C11orf65: variants seen among roughly 807,000 people sequenced by gnomAD.
C11orf65 encodes the protein protein MFI.
Under a neutral mutation model 35.3 loss-of-function variants are expected in C11orf65, and 38 were observed. The observed-to-expected ratio is 1.08, with a 90% CI of 0.83 to 1.41. C11orf65 has a LOEUF of 1.41. Among genes scored for constraint, C11orf65 ranks in the 40% most tolerant of loss-of-function variants. The pLI, the probability that C11orf65 is intolerant of heterozygous loss-of-function variation, is 0.00. For missense variants in C11orf65, 370 were observed against 367.1 expected, an observed-to-expected ratio of 1.01 and a Z score of -0.06; for synonymous variants, 105 against 114.4, an observed-to-expected ratio of 0.92 and a Z score of 0.53.
chr11:108,459,265 G>T (rs998556310), intron 2 of C11orf65, among the ~76,000 whole-genome samples: 3 of 152,052 alleles, frequency 2.0e-5, no homozygotes, highest in African/African-American at 2.4e-5. Flanking sequence ...TTAAAAAAGA[G>T]ATAAGACTCC....
chr11:108,412,716 A>G (rs1460231351), intron 3 of C11orf65, among the ~76,000 whole-genome samples: 2 of 152,144 alleles, frequency 1.3e-5, no homozygotes, highest in African/African-American at 2.4e-5. Flanking sequence ...CAATCTGGAC[A>G]ACAGAGTGAG....
chr11:108,411,550 T>G (rs949926259), intron 3 of C11orf65, among the ~76,000 whole-genome samples: 8 of 152,198 alleles, frequency 5.3e-5, no homozygotes, highest in Non-Finnish European at 1.5e-5. Flanking sequence ...TTTTTTTGTG[T>G]GCTTGTTTCT....
chr11:108,423,063 T>C (rs755163419), intron 3 of C11orf65, among the ~76,000 whole-genome samples: 3 of 152,178 alleles, frequency 2.0e-5, no homozygotes, highest in Non-Finnish European at 2.9e-5. Context: ...CCAGATACTA[T>C]GCTTTTCGCA....
At chr11:108,461,207 G>T (rs2093469964) in intron 2 of C11orf65, among the ~76,000 whole-genome samples, 3 of 152,046 alleles carry the variant, frequency 2.0e-5, no homozygotes, top group African/African-American at 7.2e-5. Flanking sequence ...TTCGGGACCA[G>T]CCTGGCCAAC....
chr11:108,376,984 A>G (rs1327380725), intron 2 of C11orf65, among the ~76,000 whole-genome samples: 13 of 151,978 alleles, frequency 8.6e-5, no homozygotes, highest in Admixed American at 2.6e-4. Flanking sequence ...TGTGGCAATA[A>G]TCAATAGCTT....
chr11:108,324,657 T>C (rs1254520447), intron 6 of C11orf65, among the ~76,000 whole-genome samples: 3 of 152,212 alleles, frequency 2.0e-5, no homozygotes, highest in Non-Finnish European at 4.4e-5. Flanking sequence ...GTCATCACTT[T>C]GTCATCTTAC....
chr11:108,380,001 T>C (rs1291414044), downstream of C11orf65, among the ~76,000 whole-genome samples: 3 of 152,132 alleles, frequency 2.0e-5, no homozygotes, highest in Non-Finnish European at 4.4e-5. Flanking sequence ...TCCAGCAGAT[T>C]TGAAAAGCAC....
intron 2 of C11orf65, among the ~76,000 whole-genome samples, chr11:108,453,512 T>C (rs2093377336): frequency 6.6e-6 from 1 of 152,050 alleles, no homozygotes; most frequent in African/African-American, 2.4e-5. Context: ...GAGACACAAT[T>C]TAAATATAAG....
chr11:108,394,186 A>AG (rs2092248609), intron 6 of C11orf65, among the ~76,000 whole-genome samples: 1 of 151,492 alleles, frequency 6.6e-6, no homozygotes, highest in Non-Finnish European at 1.5e-5. Context: ...TCTCAAAAAA[A>AG]AAAAAAAAAA....
intron 7 of C11orf65, among the ~76,000 whole-genome samples, chr11:108,390,021 T>A (rs1056425253): frequency 6.7e-6 from 1 of 148,546 alleles, no homozygotes; most frequent in African/African-American, 2.5e-5. Context: ...TTTTATTTTT[T>A]ATTTATTTAT....
At chr11:108,412,278 C>G (rs1174960612) in intron 3 of C11orf65, among the ~76,000 whole-genome samples, 1 of 150,998 alleles carries the variant, frequency 6.6e-6, no homozygotes, top group Non-Finnish European at 1.5e-5. Context: ...TCAATTAAAA[C>G]CAGAGAAGGC....
chr11:108,376,252 G>T (rs1423310322), intron 2 of C11orf65, among the ~76,000 whole-genome samples: 1 of 152,048 alleles, frequency 6.6e-6, no homozygotes, highest in Non-Finnish European at 1.5e-5. Context: ...CTCAGCAAAT[G>T]TAAAAGAACA....
intron 7 of C11orf65, among the ~76,000 whole-genome samples, chr11:108,387,653 GA>G: frequency 6.6e-6 from 1 of 152,060 alleles, no homozygotes; most frequent in African/African-American, 2.4e-5. Context: ...TCAGCCTCCT[GA>G]ATAGATGGGA....
intron 2 of C11orf65, among the ~76,000 whole-genome samples, chr11:108,459,770 C>CACACACACACACACACA (rs3221698): frequency 6.4e-5 from 9 of 140,604 alleles, no homozygotes; most frequent in East Asian, 2.1e-4. Context: ...CACACACACA[C>CACACACACACACACACA]CTCTTTATTT....
intron 2 of C11orf65, among the ~76,000 whole-genome samples, chr11:108,349,871 A>G (rs2088971572): frequency 6.6e-6 from 1 of 152,218 alleles, no homozygotes; most frequent in Admixed American, 6.5e-5. Flanking sequence ...GTCTGATAGC[A>G]TTGGCTTTAG....
At chr11:108,408,150 C>T (rs1003379148) in intron 3 of C11orf65, among the ~76,000 whole-genome samples, 1 of 151,514 alleles carries the variant, frequency 6.6e-6, no homozygotes, top group African/African-American at 2.4e-5. Context: ...TTATGGACAT[C>T]TATGGTAAAT....
intron 2 of C11orf65, among the ~76,000 whole-genome samples, chr11:108,433,261 CTATA>C (rs938599313): frequency 1.0e-4 from 15 of 148,634 alleles, no homozygotes; most frequent in African/African-American, 3.4e-4. Flanking sequence ...ATATCTCTCT[CTATA>C]TATATATAGA....
exon 7 of C11orf65, chr11:108,308,860 T>C: frequency 1.6e-6 from 1 of 640,126 alleles, no homozygotes; most frequent in East Asian, 2.8e-5. Flanking sequence ...CCTTAGAGTT[T>C]TATACCAGAT....
At chr11:108,437,438 G>A (rs1357411234) in intron 2 of C11orf65, among the ~76,000 whole-genome samples, 2 of 152,106 alleles carry the variant, frequency 1.3e-5, no homozygotes, top group Admixed American at 6.6e-5. Flanking sequence ...GGGTGCAGTG[G>A]CTCACGCCTG....
Sources: allele counts gnomAD v4.1 joint callset (sites outside exome capture counted in the v4.1 genomes callset), GRCh38; gene constraint gnomAD v4.1.1; transcripts MANE v1.5; gene names NCBI Gene and HGNC (gene_info 2026-07-23, HGNC 2026-07-21).